Variants in TMCC3 observed in about 807,000 individuals in gnomAD.
TMCC3 encodes transmembrane and coiled-coil domain family 3.
In TMCC3, 28 loss-of-function variants were observed where a neutral mutation model predicts 40.2. The observed-to-expected ratio is 0.70, with a 90% CI of 0.52 to 0.95. The LOEUF is 0.95. Among genes scored for constraint, TMCC3 ranks in the 40% least tolerant of loss-of-function variants. TMCC3 has a pLI of 0.00. For synonymous variants in TMCC3, 255 were observed against 248.5 expected, an observed-to-expected ratio of 1.03 and a Z score of -0.25; for missense variants, 554 against 615.2, an observed-to-expected ratio of 0.90 and a Z score of 1.05.
Position 94,650,450 on chromosome 12 carries a change from A to C in TMCC3, c.-20T>G. 1 of 1,271,918 alleles carries C rather than the reference A, an allele frequency of 7.9e-7. No individual in the cohort carries two copies. The allele number at this position is 1,271,918 out of a possible 1,614,324, so 78.8% of individuals were successfully genotyped here. Reference sequence around the variant, plus strand: ...CGGCATCTCCGCGCTCCGGCCGCGAACTTTCCCGTCTTCTGGGGCTGCCGC... The same window carrying C: ...CGGCATCTCCGCGCTCCGGCCGCGACCTTTCCCGTCTTCTGGGGCTGCCGC... On this transcript the variant is annotated 5_prime_UTR_variant, in exon 1 of 4. Transcript: ENST00000261226.
intron 1 of TMCC3, among the ~76,000 whole-genome samples, chr12:94,648,381 C>A (rs910495526): frequency 6.6e-6 from 1 of 152,182 alleles, no homozygotes; most frequent in African/African-American, 2.4e-5. Context: ...CGCCCACCAC[C>A]ACGCCCGGCT....
chr12:94,571,147 A>AAT lies in TMCC3; in HGVS notation c.*286_*287dup. The AAT allele has an allele frequency of 2.7e-6, 1 of 373,074 alleles. No individual in the cohort carries two copies. The highest frequency in any genetic ancestry group is 4.9e-6 in the Non-Finnish European group (1 of 204,944). 23.1% of individuals were successfully genotyped at this position (373,074 alleles called of 1,614,324 possible). A position where few individuals can be genotyped will look rare whatever the true frequency, so the allele number is the denominator to read the frequency against. On this transcript the variant is annotated 3_prime_UTR_variant, in exon 4 of 4. Coordinates refer to ENST00000261226, the MANE Select transcript of TMCC3 (RefSeq NM_020698.4). ...GGATCACCAATTATGCCAAGGTCTCAATATACAGAGGTTTACCACGCTGGG... is the reference window on the plus strand; with the variant it reads ...GGATCACCAATTATGCCAAGGTCTCAATATATACAGAGGTTTACCACGCTGGG...
chr12:94,607,191 G>A (rs768185079), intron 1 of TMCC3, among the ~76,000 whole-genome samples: 22 of 152,232 alleles, frequency 1.4e-4, no homozygotes, highest in African/African-American at 2.2e-4. Flanking sequence ...GCCTGACCCC[G>A]CAGGCAGTCA....
chr12:94,591,032 A>C, intron 1 of TMCC3: 1 of 546,190 alleles, frequency 1.8e-6, no homozygotes, highest in Non-Finnish European at 3.7e-6. Flanking sequence ...GAAGAAACAT[A>C]CGAAGAGATA....
Position 94,577,928 on chromosome 12 carries a change from C to G in TMCC3, c.1131+466G>C, listed in dbSNP as rs562576045. Reference sequence around the variant, plus strand: ...TTGGGAGGCTAAGGTGGGCAGATCACTTGAGGTCAGGAGTTTGAGACCAGC... The same window carrying G: ...TTGGGAGGCTAAGGTGGGCAGATCAGTTGAGGTCAGGAGTTTGAGACCAGC... On this transcript the variant is annotated intron_variant, in intron 3 of 3. Transcript: ENST00000261226. 1.9e-3 allele frequency among the ~76,000 whole-genome samples: 290 copies of G among 151,958 alleles called. 1 individual carries two copies. The highest frequency in any genetic ancestry group is 5.7e-3 in the African/African-American group (234 of 41,414).
chr12:94,616,108 G>GA (rs1269777205), intron 1 of TMCC3: 1 of 985,118 alleles, frequency 1.0e-6, no homozygotes, highest in East Asian at 1.1e-4. Context: ...TTGTCTCAGA[G>GA]AAACTCCACG....
chr12:94,624,818 C>A (rs1170181538), intron 1 of TMCC3, among the ~76,000 whole-genome samples: 1 of 151,900 alleles, frequency 6.6e-6, no homozygotes, highest in Non-Finnish European at 1.5e-5. Flanking sequence ...AGAATAACTG[C>A]TAAGGGTATC....
At chr12:94,601,234 G>A (rs2068750380) in intron 1 of TMCC3, among the ~76,000 whole-genome samples, 1 of 152,142 alleles carries the variant, frequency 6.6e-6, no homozygotes, top group East Asian at 1.9e-4. Context: ...AAGTGCCCTG[G>A]CCGGGCGCGG....
chr12:94,575,899 C>T (rs1434260807), intron 3 of TMCC3, among the ~76,000 whole-genome samples: 1 of 152,062 alleles, frequency 6.6e-6, no homozygotes. Context: ...CCTCCCTCGT[C>T]GGCCTCTCAA....
intron 1 of TMCC3, among the ~76,000 whole-genome samples, chr12:94,599,175 G>A (rs1165733918): frequency 6.6e-6 from 1 of 152,206 alleles, no homozygotes; most frequent in Non-Finnish European, 1.5e-5. Context: ...GAGGACAGCA[G>A]TATCTACTAG....
intron 1 of TMCC3, among the ~76,000 whole-genome samples, chr12:94,607,421 T>C (rs563132800): frequency 6.6e-6 from 1 of 152,322 alleles, no homozygotes; most frequent in African/African-American, 2.4e-5. Flanking sequence ...GTGATAAATG[T>C]CCATGAAACC....
intron 1 of TMCC3, among the ~76,000 whole-genome samples, chr12:94,608,568 T>C (rs944642658): frequency 1.7e-4 from 26 of 152,064 alleles, no homozygotes; most frequent in Admixed American, 1.6e-3. Context: ...TCCAGGTTGA[T>C]CCTCTCAGTG....
chr12:94,577,864 T>C (rs1347416398), intron 3 of TMCC3, among the ~76,000 whole-genome samples: 2 of 151,980 alleles, frequency 1.3e-5, no homozygotes, highest in Admixed American at 6.6e-5. Context: ...TATTGTCTCT[T>C]AGCCAGGCAC....
intron 1 of TMCC3, among the ~76,000 whole-genome samples, chr12:94,617,742 G>T (rs867612287): frequency 1.8e-4 from 27 of 152,192 alleles, no homozygotes; most frequent in African/African-American, 6.0e-4. Flanking sequence ...ATTGCTATGT[G>T]GCTTAAGTGG....
intron 1 of TMCC3, among the ~76,000 whole-genome samples, chr12:94,622,820 T>TA (rs35944737): frequency 0.093 from 13,476 of 144,410 alleles, 722 homozygotes; most frequent in South Asian, 0.17. Flanking sequence ...AGCTCTTTCT[T>TA]AAAAAAAAAA....
intron 1 of TMCC3, among the ~76,000 whole-genome samples, chr12:94,584,947 T>C (rs2138829884): frequency 6.6e-6 from 1 of 152,206 alleles, no homozygotes; most frequent in African/African-American, 2.4e-5. Context: ...GAATCTAGTA[T>C]CTGTGGCTCA....
At chr12:94,603,780 A>G (rs1419572924) in intron 1 of TMCC3, among the ~76,000 whole-genome samples, 10 of 152,252 alleles carry the variant, frequency 6.6e-5, no homozygotes, top group Admixed American at 6.5e-4. Flanking sequence ...TGAAACCTCA[A>G]AAAAGTAATA....
At chr12:94,637,480 G>T (rs2068966565) in intron 1 of TMCC3, among the ~76,000 whole-genome samples, 1 of 152,172 alleles carries the variant, frequency 6.6e-6, no homozygotes. Flanking sequence ...GTGGGTAAAG[G>T]CATGTTCACA....
At chr12:94,599,382 C>G (rs952308240) in intron 1 of TMCC3, among the ~76,000 whole-genome samples, 1 of 152,096 alleles carries the variant, frequency 6.6e-6, no homozygotes, top group Non-Finnish European at 1.5e-5. Context: ...TCATTGTCCC[C>G]GCCGCCCCCA....
Sources: allele counts gnomAD v4.1 joint callset (sites outside exome capture counted in the v4.1 genomes callset), GRCh38; gene constraint gnomAD v4.1.1; transcripts MANE v1.5; gene names NCBI Gene and HGNC (gene_info 2026-07-23, HGNC 2026-07-21).